PIWIL1: variants seen among roughly 807,000 people sequenced by gnomAD.
The protein encoded by PIWIL1 is piwi like RNA-mediated gene silencing 1.
Under a neutral mutation model 114.4 loss-of-function variants are expected in PIWIL1, and 73 were observed. The ratio of observed to expected loss-of-function variants is 0.64; its 90% CI spans 0.53 to 0.78. The LOEUF (loss-of-function observed/expected upper bound fraction) is 0.78. Ranked by LOEUF, PIWIL1 falls within the 30% of genes least tolerant of loss-of-function variation. The pLI is 0.00. For missense variants in PIWIL1, 723 were observed against 1,063.1 expected (o/e 0.68, Z 4.45); for synonymous variants, 375 against 369.0 (o/e 1.02, Z -0.19).
At chr12:130,355,202 T>A (rs1385667630) in intron 11 of PIWIL1, among the ~76,000 whole-genome samples, 197 bp downstream of exon 11, 1 of 152,218 alleles carries the variant, frequency 6.6e-6, no homozygotes, top group Admixed American at 6.5e-5. Context: ...ATAATGAAGT[T>A]AAACTTTGCA....
the PIWIL1 span, among the ~76,000 whole-genome samples, chr12:130,411,752 C>T: frequency 5.9e-4 from 90 of 152,032 alleles, no homozygotes; most frequent in African/African-American, 2.0e-3. Flanking sequence ...TTAATGTGGG[C>T]GATATATTCA....
chr12:130,348,452 T>C (rs1176552905), intron 7 of PIWIL1, among the ~76,000 whole-genome samples: 1 of 152,238 alleles, frequency 6.6e-6, no homozygotes, highest in Non-Finnish European at 1.5e-5. Flanking sequence ...AATCAGTTAA[T>C]GTGGTGTATC....
At chr12:130,382,237 A>G in the PIWIL1 span, among the ~76,000 whole-genome samples, 1 of 152,186 alleles carries the variant, frequency 6.6e-6, no homozygotes, top group Non-Finnish European at 1.5e-5. Context: ...GGATCAACCT[A>G]TATCTTCAGT....
chr12:130,377,060 CA>C (rs1248815872), downstream of PIWIL1, among the ~76,000 whole-genome samples: 1 of 152,204 alleles, frequency 6.6e-6, no homozygotes, highest in African/African-American at 2.4e-5. Context: ...GCAGCCTAGA[CA>C]CCTACCCTTC....
the PIWIL1 span, chr12:130,414,692 G>T: frequency 1.2e-3 from 194 of 167,434 alleles, 1 homozygote; most frequent in African/African-American, 4.4e-3. Context: ...CGTTTAAAAT[G>T]TTTGTATGTT....
the PIWIL1 span, chr12:130,425,044 C>T: frequency 0.061 from 24,484 of 399,866 alleles, 958 homozygotes; most frequent in East Asian, 0.11. Flanking sequence ...GAATGGGTTA[C>T]GGGGCTGGGG....
chr12:130,366,432 G>C (rs2073660564), intron 18 of PIWIL1: 1 of 152,396 alleles, frequency 6.6e-6, no homozygotes, highest in African/African-American at 2.4e-5. Context: ...GTGCACGGCT[G>C]TGTCCAGGCC....
the PIWIL1 span, among the ~76,000 whole-genome samples, chr12:130,393,557 G>A: frequency 6.6e-6 from 1 of 152,140 alleles, no homozygotes; most frequent in Admixed American, 6.5e-5. Flanking sequence ...ACTGAATGTT[G>A]TGATGACCCA....
At chr12:130,374,331 A>G (rs1471866567), downstream of PIWIL1, among the ~76,000 whole-genome samples, 1 of 152,220 alleles carries the variant, frequency 6.6e-6, no homozygotes, top group Non-Finnish European at 1.5e-5. Flanking sequence ...TATTTCGTAC[A>G]TTTCTAAGTA....
downstream of PIWIL1, among the ~76,000 whole-genome samples, chr12:130,376,951 C>G (rs1565962028): frequency 6.6e-6 from 1 of 152,210 alleles, no homozygotes; most frequent in Non-Finnish European, 1.5e-5. Context: ...TTTCCTCTGC[C>G]TGCTGTGCTC....
chr12:130,351,031 C>T (rs1207560841), intron 9 of PIWIL1: 1 of 152,204 alleles, frequency 6.6e-6, no homozygotes, highest in Non-Finnish European at 1.5e-5. Context: ...CCACTGTTTT[C>T]AGCCTCTTTA....
At chr12:130,390,098 A>G in the PIWIL1 span, among the ~76,000 whole-genome samples, 1 of 152,182 alleles carries the variant, frequency 6.6e-6, no homozygotes, top group Non-Finnish European at 1.5e-5. Flanking sequence ...TTTCTGGTGT[A>G]TTGTTCAATC....
chr12:130,393,855 C>A, the PIWIL1 span, among the ~76,000 whole-genome samples: 7 of 152,192 alleles, frequency 4.6e-5, no homozygotes, highest in Admixed American at 4.6e-4. Flanking sequence ...GCAGCCCCCA[C>A]GGCAGGAGCT....
the PIWIL1 span, among the ~76,000 whole-genome samples, chr12:130,391,699 G>A: frequency 6.6e-6 from 1 of 152,172 alleles, no homozygotes; most frequent in Non-Finnish European, 1.5e-5. Flanking sequence ...ACCAGCTGTG[G>A]TAGATGAGGC....
At chr12:130,422,476 C>T in the PIWIL1 span, 47 of 1,612,408 alleles carry the variant, frequency 2.9e-5, no homozygotes, top group African/African-American at 1.1e-4. The surrounding 1 kb of genome is among the most constrained non-coding windows in gnomAD (Gnocchi z 5.2). Context: ...TGTCACGGGC[C>T]GGGACCTCTG....
At chr12:130,357,996 T>C (rs1405229949) in intron 14 of PIWIL1, among the ~76,000 whole-genome samples, 3 of 152,216 alleles carry the variant, frequency 2.0e-5, no homozygotes, top group Non-Finnish European at 4.4e-5. Flanking sequence ...ACTCAGCAGC[T>C]TGTCAGCTTC....
chr12:130,422,567 G>A, the PIWIL1 span: 7 of 1,592,064 alleles, frequency 4.4e-6, no homozygotes, highest in Non-Finnish European at 6.0e-6. This position sits in a 1 kb window ranked among gnomAD's most constrained non-coding sequence, Gnocchi z 5.2. Context: ...AAAATCTAAA[G>A]ACAAAACAAC....
rs200413984 is a variant in PIWIL1, at chr12:130,354,600, C to T, written c.1108C>T (p.Arg370Trp). The change falls in exon 10 of 21, where the codon CGG becomes TGG. Residue 370 changes from arginine to tryptophan, a missense_variant. Physicochemically the swap from Arg to Trp is moderately radical, Grantham distance 101. Coordinates refer to ENST00000245255, the MANE Select transcript of PIWIL1 (RefSeq NM_004764.5). The stretch of plus-strand genomic sequence containing the variant: ...CTTGGTCAGCCAGCCCAAGAGAAGG[C>T]GGGGCCCTGGGGGGACACTGCCAGG... ...PVLVSQPKRRRGPGGTLPGPA... is the reference protein window; with the variant it reads ...PVLVSQPKRRWGPGGTLPGPA... The T allele has an allele frequency of 9.6e-5, 155 of 1,613,676 alleles. No homozygotes were observed. In the East Asian group the frequency reaches 2.7e-3, roughly 28 times the overall value.
the PIWIL1 span, among the ~76,000 whole-genome samples, chr12:130,391,068 C>G: frequency 6.6e-6 from 1 of 151,708 alleles, no homozygotes; most frequent in Non-Finnish European, 1.5e-5. Context: ...GGATCGCACT[C>G]CAGGGCTGTG....
Sources: gnomAD v4.1 joint callset for allele counts (sites outside exome capture counted in the v4.1 genomes callset) on GRCh38, gnomAD v4.1.1 for gene constraint, Gnocchi (gnomAD v3.1) non-coding constraint, MANE v1.5 for transcripts, NCBI Gene and HGNC (gene_info 2026-07-23, HGNC 2026-07-21) for gene names.